Variants in PARVB observed in about 807,000 individuals in gnomAD.
PARVB encodes the protein parvin beta, also known as beta-parvin.
A neutral mutation model predicts 47.0 loss-of-function variants in PARVB; 46 were observed. The observed-to-expected ratio is 0.98, with a 90% CI of 0.77 to 1.25. The LOEUF (loss-of-function observed/expected upper bound fraction) is 1.25, where lower values mean the gene tolerates loss of function less well. PARVB is among the 50% of genes most tolerant of loss of function. The pLI, the probability that PARVB is intolerant of heterozygous loss-of-function variation, is 0.00. For synonymous variants in PARVB, 196 were observed against 196.3 expected (o/e 1.00, Z 0.01); for missense variants, 473 against 471.6 (o/e 1.00, Z -0.03).
chr22:44,099,440 C>T (rs1273566328), intron 2 of PARVB, among the ~76,000 whole-genome samples: 1 of 152,128 alleles, frequency 6.6e-6, no homozygotes, highest in African/African-American at 2.4e-5. Context: ...GGGATCCAGG[C>T]TGAAACGTGG....
At chr22:44,116,423 G>A (rs957238851) in intron 3 of PARVB, among the ~76,000 whole-genome samples, 2 of 152,196 alleles carry the variant, frequency 1.3e-5, no homozygotes, top group African/African-American at 4.8e-5. Context: ...ATCACAACCT[G>A]AAACTGTGGG....
upstream of PARVB, chr22:44,024,288 G>A: frequency 4.1e-6 from 4 of 967,190 alleles, no homozygotes; most frequent in Non-Finnish European, 4.9e-6. Flanking sequence ...TCCCCGGGGC[G>A]ACCGGGCGGC....
At chr22:44,098,025 G>C (rs866005484) in intron 2 of PARVB, among the ~76,000 whole-genome samples, 1 of 152,214 alleles carries the variant, frequency 6.6e-6, no homozygotes, top group South Asian at 2.1e-4. Flanking sequence ...GGAGGGAGCA[G>C]CGAGTTCCCT....
In PARVB at chr22:44,163,943, G is replaced by T; in HGVS notation, c.1018+13G>T. 1 of 1,603,744 alleles carries T rather than the reference G, an allele frequency of 6.2e-7. No homozygotes were observed. Among genetic ancestry groups the T allele is most frequent in the Middle Eastern group, 1.7e-4 (1 of 6,050 alleles). ...GCTCGTCCTGAAGGTAATGCCCCTGGCTCAGGTTCCCCCGGGAGAGGTGCG... is the reference window on the plus strand; with the variant it reads ...GCTCGTCCTGAAGGTAATGCCCCTGTCTCAGGTTCCCCCGGGAGAGGTGCG... On this transcript the variant is annotated intron_variant, in intron 12 of 12. Transcript: ENST00000338758.
At position 44,169,010 on chromosome 22, in the gene PARVB, G is replaced by T. The variant is rs1188950069; in HGVS notation, c.*332G>T. On this transcript the variant is annotated 3_prime_UTR_variant, in exon 13 of 13. Transcript: ENST00000338758. Reference sequence around the variant, plus strand: ...TGCCTTGGCCGAAAGATGAAAAAAAGCCTGAACCCCAACCCCCAGCTGGTT... The same window carrying T: ...TGCCTTGGCCGAAAGATGAAAAAAATCCTGAACCCCAACCCCCAGCTGGTT... The T allele has an allele frequency of 4.3e-6, 1 of 231,358 alleles. No homozygotes were observed. 14.3% of individuals were successfully genotyped at this position (231,358 alleles called of 1,614,324 possible).
rs1442503832 is a variant in PARVB at position 44,029,875 on chromosome 22, ACT to A, written c.112+5426_112+5427del. Among the ~76,000 whole-genome samples the A allele has an allele frequency of 3.9e-5, 6 of 151,972 alleles. No homozygotes were observed. The East Asian group carries it at 7.7e-4, about 20-fold the overall frequency. On this transcript the variant is annotated intron_variant, in intron 1 of 12. Coordinates refer to ENST00000338758, the MANE Select transcript of PARVB (RefSeq NM_013327.5). ...CAGTGAGCTGAGATCGCGCCACTGC[ACT>A]CCAGCCTGGGAGACAAAGCGAGACT...
chr22:44,093,857 C>G (rs1364168426), intron 1 of PARVB, 71 bp from the exon 2 acceptor site: 21 of 882,904 alleles, frequency 2.4e-5, no homozygotes, highest in Non-Finnish European at 3.5e-5. Flanking sequence ...CTCTCTGCGT[C>G]CACAGCCAAC....
intron 1 of PARVB, among the ~76,000 whole-genome samples, chr22:44,042,821 C>T (rs1160020107): frequency 6.6e-6 from 1 of 152,136 alleles, no homozygotes; most frequent in Non-Finnish European, 1.5e-5. Flanking sequence ...TAGAGCCCTG[C>T]TTTGTTACAG....
intron 1 of PARVB, among the ~76,000 whole-genome samples, chr22:44,091,910 G>T (rs1464848031): frequency 6.6e-6 from 1 of 152,118 alleles, no homozygotes. Context: ...GCATCCTGGG[G>T]CCCCGCTGCC....
At chr22:44,044,731 C>G (rs748755542) in intron 1 of PARVB, among the ~76,000 whole-genome samples, 2 of 152,170 alleles carry the variant, frequency 1.3e-5, no homozygotes, top group Non-Finnish European at 2.9e-5. Flanking sequence ...AGTGATCCAC[C>G]TGCCTTGGCC....
intron 8 of PARVB, chr22:44,142,321 T>TGAGCC (rs906286380): frequency 7.8e-6 from 1 of 128,702 alleles, no homozygotes; most frequent in Non-Finnish European, 1.5e-5. Flanking sequence ...GAGGTTGCAG[T>TGAGCC]GAGCCGAGAT....
chr22:44,095,230 C>T (rs969740773), intron 2 of PARVB, among the ~76,000 whole-genome samples: 3 of 152,010 alleles, frequency 2.0e-5, no homozygotes, highest in Non-Finnish European at 2.9e-5. Context: ...GAAAACAGGG[C>T]GGGCACGGTG....
chr22:44,145,527 G>C (rs1470669732), intron 8 of PARVB: 1 of 152,238 alleles, frequency 6.6e-6, no homozygotes, highest in Non-Finnish European at 1.5e-5. Context: ...GTAACAGAGG[G>C]TCCCTCCACT....
intron 1 of PARVB, among the ~76,000 whole-genome samples, chr22:44,088,628 C>T (rs972190523): frequency 6.6e-6 from 1 of 152,240 alleles, no homozygotes. Flanking sequence ...CCCACTGCCA[C>T]GCCTGACTAA....
rs139102 is a variant in PARVB at position 44,171,764 on chromosome 22, T to C, written c.*3086T>C. ...TCTGTGGGGAAGCTACATGGGCACT[T>C]GTGTTTCACAACAGGGACCCTTAAA... On this transcript the variant is annotated 3_prime_UTR_variant, in exon 13 of 13. Coordinates refer to ENST00000338758, the MANE Select transcript of PARVB (RefSeq NM_013327.5). The C allele has an allele frequency of 0.75, 112,750 of 150,936 alleles. 42,653 individuals carry two copies. Among genetic ancestry groups the C allele is most frequent in the African/African-American group, 0.84 (34,432 of 40,968 alleles). The allele number at this position is 150,936 out of a possible 1,614,324, so 9.3% of individuals were successfully genotyped here.
At chr22:44,122,721 C>A (rs1040390414) in intron 4 of PARVB, among the ~76,000 whole-genome samples, 1 of 152,230 alleles carries the variant, frequency 6.6e-6, no homozygotes, top group African/African-American at 2.4e-5. Context: ...CACACCTACT[C>A]ATTTCCCTTT....
intron 1 of PARVB, among the ~76,000 whole-genome samples, chr22:44,088,017 G>C (rs931948434): frequency 6.6e-6 from 1 of 152,044 alleles, no homozygotes; most frequent in Non-Finnish European, 1.5e-5. Flanking sequence ...GAATCTTTGT[G>C]ATCTCTCTGA....
intron 4 of PARVB, among the ~76,000 whole-genome samples, chr22:44,129,926 C>T (rs557506346): frequency 1.1e-4 from 16 of 152,348 alleles, no homozygotes; most frequent in Admixed American, 5.2e-4. Flanking sequence ...AGCCAACAAA[C>T]GCATGATCGA....
At chr22:44,069,780 C>G (rs912210577) in intron 1 of PARVB, among the ~76,000 whole-genome samples, 2 of 152,180 alleles carry the variant, frequency 1.3e-5, no homozygotes, top group Non-Finnish European at 2.9e-5. Context: ...CCACCCACCT[C>G]GGCCTCCCAA....
Sources: gnomAD v4.1 joint callset for allele counts (sites outside exome capture counted in the v4.1 genomes callset) on GRCh38, gnomAD v4.1.1 for gene constraint, MANE v1.5 for transcripts, NCBI Gene and HGNC (gene_info 2026-07-23, HGNC 2026-07-21) for gene names.